AGAP1: variants seen among roughly 807,000 people sequenced by gnomAD.
AGAP1 encodes arf-GAP with GTPase, ANK repeat and PH domain-containing protein 1.
Under a neutral mutation model 105.3 loss-of-function variants are expected in AGAP1, and 29 were observed. That is an observed-to-expected ratio of 0.28 (90% confidence interval 0.21 to 0.38). The LOEUF (loss-of-function observed/expected upper bound fraction) is 0.38, where lower values mean the gene tolerates loss of function less well. Among genes scored for constraint, AGAP1 ranks in the 10% least tolerant of loss-of-function variants. AGAP1 has a pLI of 1.00. For missense variants in AGAP1, 998 were observed against 1,165.1 expected, an observed-to-expected ratio of 0.86 and a Z score of 2.09; for synonymous variants, 509 against 485.9, an observed-to-expected ratio of 1.05 and a Z score of -0.63.
At position 235,843,969 on chromosome 2, in the gene AGAP1, T is replaced by C. The variant is rs1961168882; in HGVS notation, c.1050+36638T>C. ...TTGTCATCAGTGTCACTCAGGACCT[T>C]GCCCGCTGCCCCAGCTCAGAGCTTG... is the stretch of plus-strand genomic sequence containing the variant. On this transcript the variant is annotated intron_variant, in intron 9 of 17. Coordinates refer to ENST00000304032, the MANE Select transcript of AGAP1 (RefSeq NM_001037131.3). The surrounding 1 kb of genome is among the most constrained non-coding windows in gnomAD (Gnocchi z 5.9). Among the ~76,000 whole-genome samples the C allele has an allele frequency of 6.6e-6, 1 of 152,220 alleles. No homozygotes were observed. Among genetic ancestry groups the C allele is most frequent in the African/African-American group, 2.4e-5 (1 of 41,470 alleles).
At position 235,608,327 on chromosome 2, in the gene AGAP1, T is replaced by TC. The variant is rs1020531474; in HGVS notation, c.164-100847dup. Among the ~76,000 whole-genome samples, 5 of 152,264 alleles carry TC rather than the reference T, an allele frequency of 3.3e-5. No homozygotes were observed. Among genetic ancestry groups the TC allele is most frequent in the Admixed American group, 1.3e-4 (2 of 15,300 alleles). On this transcript the variant is annotated intron_variant, in intron 1 of 17. Transcript: ENST00000304032. This position sits in a 1 kb window ranked among gnomAD's most constrained non-coding sequence, Gnocchi z 5.4. Reference sequence around the variant, plus strand: ...TGTAAAATTCCATTGTGTCTTTTTTTCCCCCAAGTAATCTGGCTCTGGGAG... The same window carrying TC: ...TGTAAAATTCCATTGTGTCTTTTTTTCCCCCCAAGTAATCTGGCTCTGGGAG...
rs760524584 is a variant in AGAP1, at chr2:236,089,273, C to T, written c.2115-30919C>T. Among the ~76,000 whole-genome samples the T allele has an allele frequency of 3.3e-5, 5 of 152,212 alleles. No homozygotes were observed. Among genetic ancestry groups the T allele is most frequent in the African/African-American group, 4.8e-5 (2 of 41,458 alleles). ...AAGTCAGTCTAGTCAATTGCTTTAA[C>T]ACAAAGAGCAAACTGACACACAGTT... On this transcript the variant is annotated intron_variant, in intron 16 of 17. Transcript: ENST00000304032. This position sits in a 1 kb window ranked among gnomAD's most constrained non-coding sequence, Gnocchi z 5.6.
At position 235,906,000 on chromosome 2, in the gene AGAP1, G is replaced by A. The variant is rs1411625983; in HGVS notation, c.1156-2738G>A. Among the ~76,000 whole-genome samples, 2 of 152,070 alleles carry A rather than the reference G, an allele frequency of 1.3e-5. No homozygotes were observed. The highest frequency in any genetic ancestry group is 4.8e-5 in the African/African-American group (2 of 41,410). On this transcript the variant is annotated intron_variant, in intron 10 of 17. Coordinates refer to ENST00000304032, the MANE Select transcript of AGAP1 (RefSeq NM_001037131.3). The surrounding 1 kb of genome is among the most constrained non-coding windows in gnomAD (Gnocchi z 4.2). ...CAACTTCCAAGTGGAATCCCTTTCGGGGGCTGGTGAAGTCAGATTTGTTGT... is the reference window on the plus strand; with the variant it reads ...CAACTTCCAAGTGGAATCCCTTTCGAGGGCTGGTGAAGTCAGATTTGTTGT...
At chr2:235,640,436 C>G (rs1488457949) in intron 1 of AGAP1, among the ~76,000 whole-genome samples, 2 of 152,210 alleles carry the variant, frequency 1.3e-5, no homozygotes, top group Non-Finnish European at 2.9e-5. Flanking sequence ...AGGAAGCATG[C>G]ATTACCCATC....
intron 1 of AGAP1, among the ~76,000 whole-genome samples, chr2:235,644,538 T>G (rs1311362816): frequency 6.6e-6 from 1 of 152,026 alleles, no homozygotes; most frequent in Non-Finnish European, 1.5e-5. Flanking sequence ...AGAATCTTAA[T>G]CCCCAGAACT....
Position 235,751,136 on chromosome 2 carries a change from G to A in AGAP1, c.673+648G>A, listed in dbSNP as rs564262661. ...TCACATACTTGTGGATGATCATAGC[G>A]CCAGACGTCGTCTATGAGAGAGGAG... On this transcript the variant is annotated intron_variant, in intron 6 of 17. Coordinates refer to ENST00000304032, the MANE Select transcript of AGAP1 (RefSeq NM_001037131.3). The surrounding 1 kb of genome is among the most constrained non-coding windows in gnomAD (Gnocchi z 5.3). 7.4e-4 allele frequency among the ~76,000 whole-genome samples: 113 copies of A among 152,158 alleles called. No homozygotes were observed. The highest frequency in any genetic ancestry group is 1.1e-3 in the Non-Finnish European group (76 of 68,032).
intron 16 of AGAP1, among the ~76,000 whole-genome samples, chr2:236,079,062 T>C (rs1388316850): frequency 2.6e-5 from 4 of 152,160 alleles, no homozygotes; most frequent in African/African-American, 9.7e-5. Flanking sequence ...CACCCCTGCC[T>C]GGTGGGTTAG....
chr2:235,548,640 C>A (rs189298104), intron 1 of AGAP1, among the ~76,000 whole-genome samples: 1 of 122,504 alleles, frequency 8.2e-6, no homozygotes, highest in Non-Finnish European at 1.6e-5. Flanking sequence ...GCAAAAAGTG[C>A]GAAACTCCGT....
chr2:235,929,800 A>G (rs1165765550), intron 11 of AGAP1, among the ~76,000 whole-genome samples: 1 of 152,252 alleles, frequency 6.6e-6, no homozygotes, highest in Non-Finnish European at 1.5e-5. Context: ...AAAGCTCCAC[A>G]GGAAATTCTG....
In AGAP1 at chr2:236,131,207, CTTAT is replaced by C. The variant is rs1181834223; in HGVS notation, c.*7087_*7090del. 6.6e-6 allele frequency: 1 copy of C among 152,198 alleles called. No homozygotes were observed. The highest frequency in any genetic ancestry group is 1.5e-5 in the Non-Finnish European group (1 of 68,054). 9.4% of individuals were successfully genotyped at this position (152,198 alleles called of 1,614,324 possible). ...CGAGCACCTGAGCGCTGGGGAGGCC[CTTAT>C]TGAGCTCAGCCTGGAGAGGGGAGGG... On this transcript the variant is annotated 3_prime_UTR_variant, in exon 18 of 18. Transcript: ENST00000304032. The surrounding 1 kb of genome is among the most constrained non-coding windows in gnomAD (Gnocchi z 5.9).
At chr2:235,832,893 T>G (rs192785708) in intron 9 of AGAP1, among the ~76,000 whole-genome samples, 2,186 of 152,296 alleles carry the variant, frequency 0.014, 30 homozygotes, top group Non-Finnish European at 0.021. Flanking sequence ...AGGAGGCTGG[T>G]CTCTCCCCTG....
Position 235,642,798 on chromosome 2 carries a change from A to C in AGAP1, c.164-66381A>C, listed in dbSNP as rs1221701513. On this transcript the variant is annotated intron_variant, in intron 1 of 17. Transcript: ENST00000304032. The surrounding 1 kb of genome is among the most constrained non-coding windows in gnomAD (Gnocchi z 4.1). ...GGGAAAATAGAGAAGTAGTTATCTC[A>C]TTGTCTTGGAATAAAATTATTTTGC... Among the ~76,000 whole-genome samples, 1 of 152,224 alleles carries C rather than the reference A, an allele frequency of 6.6e-6. No homozygotes were observed. Among genetic ancestry groups the C allele is most frequent in the Admixed American group, 6.5e-5 (1 of 15,282 alleles).
At position 236,117,946 on chromosome 2, in the gene AGAP1, G is replaced by A. The variant is rs536834112; in HGVS notation, c.2115-2246G>A. Among the ~76,000 whole-genome samples, 9 of 152,246 alleles carry A rather than the reference G, an allele frequency of 5.9e-5. No homozygotes were observed. In the East Asian group the frequency reaches 1.7e-3, roughly 29 times the overall value. On this transcript the variant is annotated intron_variant, in intron 16 of 17. Coordinates refer to ENST00000304032, the MANE Select transcript of AGAP1 (RefSeq NM_001037131.3). ...TGGGGGCCGGTGTCAGTTCTCAGCT[G>A]TAGCCAAGTGTTTGTCCTGGAAATC...
chr2:235,631,639 G>C lies in AGAP1; in HGVS notation c.164-77540G>C, dbSNP rs1038263259. Among the ~76,000 whole-genome samples, 9 of 152,220 alleles carry C rather than the reference G, an allele frequency of 5.9e-5. No homozygotes were observed. The highest frequency in any genetic ancestry group is 9.6e-5 in the African/African-American group (4 of 41,458). ...GGGCTTGCTTTCCGTGTGATTCTGG[G>C]CAAGTTGGTTAACCTCTCTGTGCTT... On this transcript the variant is annotated intron_variant, in intron 1 of 17. Transcript: ENST00000304032. The surrounding 1 kb of genome is among the most constrained non-coding windows in gnomAD (Gnocchi z 5.4).
intron 13 of AGAP1, among the ~76,000 whole-genome samples, chr2:236,010,162 T>G (rs1201528379): frequency 1.3e-5 from 2 of 152,122 alleles, no homozygotes; most frequent in Admixed American, 1.3e-4. Flanking sequence ...ATTAACAAAT[T>G]TTATTTCAAA....
intron 3 of AGAP1, among the ~76,000 whole-genome samples, chr2:235,722,506 G>A (rs923032690): frequency 2.6e-5 from 4 of 152,158 alleles, no homozygotes; most frequent in African/African-American, 9.7e-5. Context: ...AATCCATGCT[G>A]TTTCTTGGCT....
rs1486399595 is a variant in AGAP1 at position 235,962,765 on chromosome 2, A to G, written c.1484-5697A>G. Among the ~76,000 whole-genome samples, 1 of 152,118 alleles carries G rather than the reference A, an allele frequency of 6.6e-6. No individual in the cohort carries two copies. The highest frequency in any genetic ancestry group is 1.5e-5 in the Non-Finnish European group (1 of 68,024). On this transcript the variant is annotated intron_variant, in intron 12 of 17. Coordinates refer to ENST00000304032, the MANE Select transcript of AGAP1 (RefSeq NM_001037131.3). This position sits in a 1 kb window ranked among gnomAD's most constrained non-coding sequence, Gnocchi z 5.3. ...AACTAGAAGCTCTGGTTGAAATTCC[A>G]TGGGGTTTCTCGCTATTGATATTTT...
Position 235,598,783 on chromosome 2 carries a change from G to A in AGAP1, c.163+103934G>A, listed in dbSNP as rs541093129. 3.9e-5 allele frequency among the ~76,000 whole-genome samples: 6 copies of A among 152,296 alleles called. No homozygotes were observed. The South Asian group carries it at 1.2e-3, about 32-fold the overall frequency. ...CTGTGTGTTTGGTGCACAGTGGGAC[G>A]TCTTAGTCCCACTACCTCAGCCAGA... On this transcript the variant is annotated intron_variant, in intron 1 of 17. Coordinates refer to ENST00000304032, the MANE Select transcript of AGAP1 (RefSeq NM_001037131.3).
At chr2:235,648,602 G>A (rs1472482686) in intron 1 of AGAP1, among the ~76,000 whole-genome samples, 3 of 151,960 alleles carry the variant, frequency 2.0e-5, no homozygotes, top group East Asian at 1.9e-4. Flanking sequence ...GGCCGGGCGC[G>A]GTGGCTCATG....
Sources: gnomAD v4.1 joint callset for allele counts (sites outside exome capture counted in the v4.1 genomes callset) on GRCh38, gnomAD v4.1.1 for gene constraint, Gnocchi (gnomAD v3.1) non-coding constraint, MANE v1.5 for transcripts, NCBI Gene and HGNC (gene_info 2026-07-23, HGNC 2026-07-21) for gene names.